KLF8: variants seen among roughly 807,000 people sequenced by gnomAD.
The protein encoded by KLF8 is KLF transcription factor 8.
In KLF8, 10 loss-of-function variants were observed where a neutral mutation model predicts 18.2. The ratio of observed to expected loss-of-function variants is 0.55; its 90% CI spans 0.34 to 0.93. The LOEUF is 0.93. Ranked by LOEUF, KLF8 falls within the 40% of genes least tolerant of loss-of-function variation. The probability of loss-of-function intolerance (pLI) is 0.02; values close to 1 mark genes in which losing one functional copy is unlikely to be tolerated. For synonymous variants in KLF8, 109 were observed against 97.3 expected (o/e 1.12, Z -0.71); for missense variants, 264 against 277.9 (o/e 0.95, Z 0.36).
the KLF8 span, among the ~76,000 whole-genome samples, chrX:56,226,082 G>A: frequency 8.9e-6 from 1 of 111,959 alleles, no homozygotes; most frequent in Non-Finnish European, 1.9e-5. Context: ...GTTCAAGGAA[G>A]AAGAGTAGAA....
chrX:55,911,860 G>A, the KLF8 span, among the ~76,000 whole-genome samples: 1 of 112,135 alleles, frequency 8.9e-6, no homozygotes, highest in Admixed American at 9.5e-5. Context: ...TGTAAAGGGA[G>A]ACTTGTGGAT....
chrX:56,010,671 G>A, the KLF8 span, among the ~76,000 whole-genome samples: 1 of 111,898 alleles, frequency 8.9e-6, no homozygotes, highest in Non-Finnish European at 1.9e-5. Flanking sequence ...GAATGGGAAG[G>A]TGGATAAAGA....
chrX:56,057,064 T>C, the KLF8 span, among the ~76,000 whole-genome samples: 1 of 110,649 alleles, frequency 9.0e-6, no homozygotes, highest in East Asian at 2.9e-4. Context: ...TCTATGTGAG[T>C]GTTCATCACA....
chrX:56,253,806 G>A (rs1477309282), intron 2 of KLF8, among the ~76,000 whole-genome samples: 13 of 73,790 alleles, frequency 1.8e-4, no homozygotes, highest in Non-Finnish European at 2.9e-4. Context: ...TGTTGCCCAG[G>A]CCGGAGTGCA....
chrX:55,993,025 A>G, the KLF8 span, among the ~76,000 whole-genome samples: 64 of 111,608 alleles, frequency 5.7e-4, no homozygotes, highest in African/African-American at 2.0e-3. Flanking sequence ...TTCTAGGTAT[A>G]GAATCACATC....
At chrX:56,034,748 CTT>C in the KLF8 span, among the ~76,000 whole-genome samples, 1 of 53,817 alleles carries the variant, frequency 1.9e-5, no homozygotes, top group Non-Finnish European at 3.1e-5. Context: ...GAACTTATTT[CTT>C]TTTTTTTTTT....
chrX:55,917,482 CT>C, the KLF8 span, among the ~76,000 whole-genome samples: 1 of 111,676 alleles, frequency 9.0e-6, no homozygotes, highest in East Asian at 2.8e-4. Flanking sequence ...ATTCTAAATT[CT>C]CGACAAGGCC....
chrX:55,939,960 A>G, the KLF8 span, among the ~76,000 whole-genome samples: 3 of 111,951 alleles, frequency 2.7e-5, no homozygotes, highest in South Asian at 3.8e-4. Flanking sequence ...AGGAGGAGCT[A>G]GTAACATTCC....
chrX:55,960,660 AG>A, the KLF8 span, among the ~76,000 whole-genome samples: 3 of 111,426 alleles, frequency 2.7e-5, no homozygotes, highest in African/African-American at 9.8e-5. Context: ...AAGGAGAAGA[AG>A]AAGAAGAAAG....
the KLF8 span, among the ~76,000 whole-genome samples, chrX:55,943,466 C>T: frequency 4.7e-3 from 518 of 111,045 alleles, 3 homozygotes; most frequent in Middle Eastern, 0.019. Flanking sequence ...CTATTCATGG[C>T]GGGAGGTGAG....
At chrX:55,951,057 G>A in the KLF8 span, among the ~76,000 whole-genome samples, 2 of 111,885 alleles carry the variant, frequency 1.8e-5, no homozygotes, top group African/African-American at 6.5e-5. Context: ...GAAGTGAGTT[G>A]GGAGTTCATA....
chrX:56,004,084 G>T, the KLF8 span, among the ~76,000 whole-genome samples: 2 of 112,161 alleles, frequency 1.8e-5, no homozygotes, highest in African/African-American at 6.5e-5. Context: ...ACTGTAGCAG[G>T]AGTAGAAGCT....
the KLF8 span, among the ~76,000 whole-genome samples, chrX:56,057,167 G>T: frequency 2.7e-5 from 3 of 111,833 alleles, no homozygotes; most frequent in Admixed American, 1.9e-4. Context: ...GCTCTGGGGG[G>T]CGTAGGTCTG....
the KLF8 span, among the ~76,000 whole-genome samples, chrX:56,076,129 G>T: frequency 2.8e-5 from 3 of 106,417 alleles, no homozygotes; most frequent in African/African-American, 7.5e-5. Context: ...CCCTACAAAG[G>T]ACATGAACTC....
At chrX:56,177,589 T>C in the KLF8 span, among the ~76,000 whole-genome samples, 1 of 111,600 alleles carries the variant, frequency 9.0e-6, no homozygotes, top group Non-Finnish European at 1.9e-5. Flanking sequence ...TTCTGAGATC[T>C]CCAGCTGTGT....
the KLF8 span, among the ~76,000 whole-genome samples, chrX:56,059,949 G>C: frequency 1.8e-5 from 2 of 111,811 alleles, no homozygotes; most frequent in Admixed American, 9.5e-5. Flanking sequence ...TAGGCAATAT[G>C]GCCATTTTCA....
At chrX:56,090,463 T>C in the KLF8 span, among the ~76,000 whole-genome samples, 3 of 112,043 alleles carry the variant, frequency 2.7e-5, no homozygotes, top group Non-Finnish European at 3.8e-5. Flanking sequence ...TTCAAATGTG[T>C]TGGAATTATT....
the KLF8 span, among the ~76,000 whole-genome samples, chrX:56,075,083 A>G: frequency 1.8e-5 from 2 of 110,623 alleles, no homozygotes; most frequent in African/African-American, 6.5e-5. Flanking sequence ...ACGAGCATTT[A>G]TATTTAGGTC....
the KLF8 span, among the ~76,000 whole-genome samples, chrX:56,144,794 G>GTTTC: frequency 5.7e-5 from 6 of 105,958 alleles, no homozygotes; most frequent in African/African-American, 2.1e-4. Context: ...GTTGGTGTTT[G>GTTTC]TTTGTTTGTT....
Sources: allele counts gnomAD v4.1 joint callset (sites outside exome capture counted in the v4.1 genomes callset), GRCh38; gene constraint gnomAD v4.1.1; transcripts MANE v1.5; gene names NCBI Gene and HGNC (gene_info 2026-07-23, HGNC 2026-07-21).